The following LPA variants were observed in gnomAD, a reference collection of about 807,000 sequenced individuals.
LPA encodes the protein apolipoprotein(a).
In LPA, 199 loss-of-function variants were observed where a neutral mutation model predicts 197.9. The ratio of observed to expected loss-of-function variants is 1.01; its 90% CI spans 0.90 to 1.13. The LOEUF is 1.13. Among genes scored for constraint, LPA ranks in the 50% most tolerant of loss-of-function variants. The pLI, the probability that LPA is intolerant of heterozygous loss-of-function variation, is 0.00. For synonymous variants in LPA, 715 were observed against 639.5 expected (o/e 1.12, Z -1.78); for missense variants, 1,853 against 1,785.8 (o/e 1.04, Z -0.68).
chr6:160,587,648 G>T (rs1052607170), intron 24 of LPA, among the ~76,000 whole-genome samples: 2 of 151,962 alleles, frequency 1.3e-5, no homozygotes, highest in Non-Finnish European at 2.9e-5. Flanking sequence ...TGTCTGTCAT[G>T]ATATCTTTTT....
At chr6:160,578,754 G>C (rs757743356) in intron 26 of LPA, 50 bp from the exon 27 acceptor site, 2 of 1,612,868 alleles carry the variant, frequency 1.2e-6, no homozygotes, top group East Asian at 2.2e-5. Flanking sequence ...GAATATTCAA[G>C]GGCACTTAGC....
chr6:160,558,164 C>T (rs1778300984), intron 28 of LPA, among the ~76,000 whole-genome samples: 1 of 152,124 alleles, frequency 6.6e-6, no homozygotes, highest in Non-Finnish European at 1.5e-5. Flanking sequence ...CGTGATCCAC[C>T]CACCTCGGCC....
intron 18 of LPA, among the ~76,000 whole-genome samples, chr6:160,603,233 G>GGGGT (rs143056855): frequency 1.4e-5 from 2 of 144,760 alleles, no homozygotes; most frequent in African/African-American, 5.1e-5. Context: ...TATTTGTGGA[G>GGGGT]GTGTGTGTGT....
chr6:160,601,535 G>A (rs904829090), intron 18 of LPA, among the ~76,000 whole-genome samples: 5 of 152,124 alleles, frequency 3.3e-5, no homozygotes, highest in Non-Finnish European at 7.4e-5. Context: ...AGTAATGTGC[G>A]AGTTGGAACT....
At chr6:160,535,431 GGTA>G (rs767544276) in intron 37 of LPA, among the ~76,000 whole-genome samples, 4 of 21,228 alleles carry the variant, frequency 1.9e-4, no homozygotes, top group African/African-American at 6.3e-4. Context: ...TGGTGATGGT[GGTA>G]GTAGTGGTAG....
At chr6:160,540,350 G>T (rs1176963649) in intron 35 of LPA, among the ~76,000 whole-genome samples, 167 bp from the exon 36 acceptor site, 1 of 152,146 alleles carries the variant, frequency 6.6e-6, no homozygotes, top group Non-Finnish European at 1.5e-5. Context: ...GACAGTTAAG[G>T]TCTGTTCTCA....
rs1161129252 is a variant in LPA at position 160,641,027 on chromosome 6, T to A, written c.552-179A>T. Among the ~76,000 whole-genome samples, 4 of 137,924 alleles carry A rather than the reference T, an allele frequency of 2.9e-5. 1 individual carries two copies. Among genetic ancestry groups the A allele is most frequent in the African/African-American group, 8.7e-5 (3 of 34,428 alleles). The allele number at this position is 137,924 out of a possible 152,430, so 90.5% of individuals were successfully genotyped here. On this transcript the variant is annotated intron_variant, in intron 4 of 38. Coordinates refer to ENST00000316300, the MANE Select transcript of LPA (RefSeq NM_005577.4). ...CTCGATCACTAATCCTCTCTGCACA[T>A]CTCTCATACTTAATAGATTATTACT...
At chr6:160,602,095 G>C (rs183325783) in intron 18 of LPA, among the ~76,000 whole-genome samples, 1 of 152,052 alleles carries the variant, frequency 6.6e-6, no homozygotes, top group East Asian at 1.9e-4. Flanking sequence ...GGGCCATGGG[G>C]ATCCAACACT....
intron 17 of LPA, 123 bp downstream of exon 17, chr6:160,606,354 T>G (rs1779350596): frequency 1.4e-6 from 2 of 1,410,050 alleles, no homozygotes; most frequent in Admixed American, 3.6e-5. Flanking sequence ...TCCTCCTACA[T>G]GACAGAACTC....
rs1408171940 is a variant in LPA at position 160,547,854 on chromosome 6, G to A, written c.5239C>T (p.Gln1747Ter). Reference protein sequence around the residue: ...TGTPCQEWAAQEPHRHSTFIP... With the variant: ...TGTPCQEWAA Reference sequence around the variant, plus strand: ...AACGTGCTGTGTCTATGGGGCTCCTGGGCAGCCCATTCCTGGCATGGCGTC... The same window carrying A: ...AACGTGCTGTGTCTATGGGGCTCCTAGGCAGCCCATTCCTGGCATGGCGTC... Residue 1747 changes from glutamine (Q) to a stop codon, truncating the protein, a stop_gained, in exon 32 of 39, where the codon CAG (glutamine) becomes TAG (stop). Transcript: ENST00000316300. LOFTEE classifies it high-confidence loss of function. 1.2e-6 allele frequency: 2 copies of A among 1,614,042 alleles called. No homozygotes were observed. Among genetic ancestry groups the A allele is most frequent in the Non-Finnish European group, 1.7e-6 (2 of 1,179,988 alleles).
chr6:160,534,968 A>G (rs1777863197), intron 37 of LPA, among the ~76,000 whole-genome samples: 2 of 150,566 alleles, frequency 1.3e-5, no homozygotes, highest in Admixed American at 1.3e-4. Flanking sequence ...GCTGGTGATG[A>G]TGGTGGTGCT....
rs1283992454 is a variant in LPA at position 160,542,736 on chromosome 6, C to T, written c.5471G>A (p.Cys1824Tyr). The change falls in exon 34 of 39, where the codon TGT becomes TAT. Residue 1824 changes from cysteine to tyrosine, a missense_variant. By Grantham distance (194) the Cys-to-Tyr change is radical. Coordinates refer to ENST00000316300, the MANE Select transcript of LPA (RefSeq NM_005577.4). ...GGGCCAGGAATGTGGGTGGGCCACA[C>T]ACCCCCCTACAATGCTTCCAGGACA... The part of the protein sequence containing the change: ...KKCPGSIVGG[C>Y]VAHPHSWPWQ... 1.2e-6 allele frequency: 2 copies of T among 1,613,916 alleles called. No individual in the cohort carries two copies. The highest frequency in any genetic ancestry group is 3.3e-5 in the Admixed American group (2 of 59,994).
In LPA at chr6:160,558,763, G is replaced by A. The variant is rs527768698; in HGVS notation, c.4632-1192C>T. 6.0e-4 allele frequency among the ~76,000 whole-genome samples: 91 copies of A among 152,284 alleles called. 1 individual carries two copies. Among genetic ancestry groups the A allele is most frequent in the African/African-American group, 2.1e-3 (86 of 41,560 alleles). ...GAGGCACAGAAAGCAAGGACCCTGG[G>A]GTGGAGGGATCTTAGAGAATGCACT... On this transcript the variant is annotated intron_variant, in intron 28 of 38. Transcript: ENST00000316300.
At chr6:160,544,724 T>G (rs1778037285) in intron 33 of LPA, among the ~76,000 whole-genome samples, 1 of 152,114 alleles carries the variant, frequency 6.6e-6, no homozygotes, top group Non-Finnish European at 1.5e-5. Context: ...GACAGACAAG[T>G]TGATTGGTCA....
intron 28 of LPA, among the ~76,000 whole-genome samples, chr6:160,574,637 G>A (rs1361577227): frequency 1.3e-5 from 2 of 152,110 alleles, no homozygotes; most frequent in African/African-American, 4.8e-5. Context: ...CTGAGGCCCA[G>A]GTAAAGTTGG....
At chr6:160,648,786 A>C (rs1246993755) in intron 2 of LPA, among the ~76,000 whole-genome samples, 4 of 152,044 alleles carry the variant, frequency 2.6e-5, no homozygotes, top group Non-Finnish European at 5.9e-5. Context: ...TCTCTGGATA[A>C]GGTGTCTGTT....
chr6:160,653,233 A>C (rs1479693316), intron 1 of LPA, among the ~76,000 whole-genome samples: 2 of 152,148 alleles, frequency 1.3e-5, no homozygotes, highest in East Asian at 3.8e-4. Context: ...AAGACCTAAC[A>C]ATCCAAATAC....
intron 28 of LPA, among the ~76,000 whole-genome samples, chr6:160,558,272 G>C (rs1052663417): frequency 6.6e-6 from 1 of 151,918 alleles, no homozygotes; most frequent in Non-Finnish European, 1.5e-5. Flanking sequence ...CATTCTCTGT[G>C]TCTCTCTCTA....
intron 20 of LPA, among the ~76,000 whole-genome samples, chr6:160,598,834 A>T (rs6926458): frequency 6.6e-6 from 1 of 152,112 alleles, no homozygotes; most frequent in Non-Finnish European, 1.5e-5. Context: ...GTGACCCAAG[A>T]TGCAAAAGGC....
Sources: allele counts gnomAD v4.1 joint callset (sites outside exome capture counted in the v4.1 genomes callset), GRCh38; gene constraint gnomAD v4.1.1; transcripts MANE v1.5; gene names NCBI Gene and HGNC (gene_info 2026-07-23, HGNC 2026-07-21).